The following PITPNM2 variants were observed in gnomAD, a reference collection of about 807,000 sequenced individuals.
PITPNM2 encodes the protein membrane-associated phosphatidylinositol transfer protein 2.
A neutral mutation model predicts 132.2 loss-of-function variants in PITPNM2; 35 were observed. The ratio of observed to expected loss-of-function variants is 0.26; its 90% CI spans 0.20 to 0.35. The LOEUF is 0.35. PITPNM2 is among the 10% of genes least tolerant of loss of function. PITPNM2 has a pLI of 1.00. For missense variants in PITPNM2, 1,332 were observed against 1,912.0 expected, an observed-to-expected ratio of 0.70 and a Z score of 5.66; for synonymous variants, 738 against 799.2, an observed-to-expected ratio of 0.92 and a Z score of 1.29.
intron 2 of PITPNM2, among the ~76,000 whole-genome samples, chr12:123,042,040 G>C (rs1352745991): frequency 1.3e-5 from 2 of 152,078 alleles, no homozygotes; most frequent in Non-Finnish European, 2.9e-5. Flanking sequence ...GAGACCAGCC[G>C]TGGGCAAGGC....
In PITPNM2 at chr12:122,994,775, C is replaced by A; in HGVS notation, c.2233+26G>T. The stretch of plus-strand genomic sequence containing the variant: ...CCCCCGCACCCAGTGCATGTACCCC[C>A]CATCCTGCCCCTGCTGGGCTCTCAC... On this transcript the variant is annotated intron_variant, in intron 15 of 25. Coordinates refer to ENST00000320201, the MANE Select transcript of PITPNM2 (RefSeq NM_020845.3). This position sits in a 1 kb window ranked among gnomAD's most constrained non-coding sequence, Gnocchi z 5.4. 1 of 1,598,836 alleles carries A rather than the reference C, an allele frequency of 6.3e-7. No individual in the cohort carries two copies. The highest frequency in any genetic ancestry group is 1.1e-5 in the South Asian group (1 of 89,316).
chr12:123,007,070 C>T (rs527748700), intron 6 of PITPNM2, among the ~76,000 whole-genome samples: 18 of 152,274 alleles, frequency 1.2e-4, no homozygotes, highest in East Asian at 1.2e-3. Context: ...CAGTTGGCCC[C>T]GAATTTTGCT....
Position 122,994,873 on chromosome 12 carries a change from C to A in PITPNM2, c.2161G>T (p.Asp721Tyr), listed in dbSNP as rs770772233. 5.5e-5 allele frequency: 89 copies of A among 1,612,162 alleles called. No individual in the cohort carries two copies. The highest frequency in any genetic ancestry group is 7.4e-5 in the Non-Finnish European group (87 of 1,179,954). Reference protein sequence around the residue: ...ALGRFDFEITDLFLFGCPLGL... With the variant: ...ALGRFDFEITYLFLFGCPLGL... ...AGCGGGCACCCGAAGAGGAAGAGGT[C>A]GGTGATCTCAAAGTCAAACCTGCCC... is the stretch of plus-strand genomic sequence containing the variant. The change falls in exon 15 of 26, where the codon GAC (aspartate) becomes TAC (tyrosine). Residue 721 changes from aspartate to tyrosine, a missense_variant. Around this residue, in one of 6 missense-constraint regions of PITPNM2, gnomAD observed 710 missense variants for 911.5 expected, o/e 0.78. Coordinates refer to ENST00000320201, the MANE Select transcript of PITPNM2 (RefSeq NM_020845.3). The surrounding 1 kb of genome is among the most constrained non-coding windows in gnomAD (Gnocchi z 5.4).
chr12:123,135,499 G>A (rs756655650), intron 1 of PITPNM2, among the ~76,000 whole-genome samples: 2 of 152,056 alleles, frequency 1.3e-5, no homozygotes, highest in Non-Finnish European at 2.9e-5. Flanking sequence ...CATTATGCCT[G>A]TAGATTACTA....
At chr12:123,135,386 C>A (rs1313789872) in intron 1 of PITPNM2, among the ~76,000 whole-genome samples, 4 of 5,118 alleles carry the variant, frequency 7.8e-4, no homozygotes, top group East Asian at 0.083. Flanking sequence ...AACATATGAC[C>A]CCCCCCCTTA....
chr12:123,033,593 G>A (rs1453400414), intron 3 of PITPNM2, among the ~76,000 whole-genome samples: 1 of 152,232 alleles, frequency 6.6e-6, no homozygotes, highest in East Asian at 1.9e-4. Context: ...AGTCAGGGTG[G>A]TGAGGAAAGC....
At chr12:123,144,281 G>T (rs1398932408) in intron 1 of PITPNM2, among the ~76,000 whole-genome samples, 4 of 152,188 alleles carry the variant, frequency 2.6e-5, no homozygotes, top group Non-Finnish European at 5.9e-5. Context: ...CAATCACAGT[G>T]CTGAGGTGCA....
chr12:123,001,439 G>A (rs1330766768), intron 8 of PITPNM2, among the ~76,000 whole-genome samples: 1 of 152,246 alleles, frequency 6.6e-6, no homozygotes, highest in South Asian at 2.1e-4. Flanking sequence ...CTAAATGGGA[G>A]CCTCATACCC....
intron 10 of PITPNM2, among the ~76,000 whole-genome samples, chr12:122,999,610 C>A (rs779985879): frequency 6.6e-6 from 1 of 151,930 alleles, no homozygotes; most frequent in Non-Finnish European, 1.5e-5. Flanking sequence ...TGGAGATGAT[C>A]CAGGGACCCC....
At chr12:123,062,446 G>A (rs1474548322) in intron 2 of PITPNM2, among the ~76,000 whole-genome samples, 1 of 152,170 alleles carries the variant, frequency 6.6e-6, no homozygotes, top group Non-Finnish European at 1.5e-5. Flanking sequence ...CCTGTGGACA[G>A]CATTGCCCAC....
intron 2 of PITPNM2, among the ~76,000 whole-genome samples, chr12:123,074,466 A>T (rs529975128): frequency 6.6e-6 from 1 of 152,102 alleles, no homozygotes; most frequent in South Asian, 2.1e-4. Context: ...CACACACCTC[A>T]CACACACAAC....
chr12:123,101,889 C>A (rs1263551242), intron 2 of PITPNM2, among the ~76,000 whole-genome samples: 1 of 152,184 alleles, frequency 6.6e-6, no homozygotes, highest in African/African-American at 2.4e-5. Context: ...GAGATCCCAT[C>A]TCTACATAAA....
intron 2 of PITPNM2, among the ~76,000 whole-genome samples, chr12:123,037,816 G>C (rs2040329910): frequency 6.6e-6 from 1 of 152,240 alleles, no homozygotes; most frequent in East Asian, 1.9e-4. Flanking sequence ...CTCGCAGCCT[G>C]AGCCAGCACC....
chr12:123,115,705 G>A (rs1228716761), intron 1 of PITPNM2, among the ~76,000 whole-genome samples: 2 of 152,138 alleles, frequency 1.3e-5, no homozygotes, highest in Non-Finnish European at 2.9e-5. Flanking sequence ...TAAGTACAGA[G>A]TGACTAATAC....
At chr12:123,024,203 G>A (rs1225039454) in intron 3 of PITPNM2, among the ~76,000 whole-genome samples, 1 of 152,182 alleles carries the variant, frequency 6.6e-6, no homozygotes, top group Non-Finnish European at 1.5e-5. Flanking sequence ...TGTCATTAGG[G>A]AAATGCAAAT....
At chr12:123,098,803 CG>C (rs539221058) in intron 2 of PITPNM2, among the ~76,000 whole-genome samples, 114 of 152,188 alleles carry the variant, frequency 7.5e-4, no homozygotes, top group African/African-American at 2.7e-3. Flanking sequence ...GCTCAGGGGC[CG>C]GCTTCCTTCC....
chr12:123,129,909 GTTTT>G, intron 1 of PITPNM2, among the ~76,000 whole-genome samples: 1 of 143,034 alleles, frequency 7.0e-6, no homozygotes, highest in East Asian at 2.0e-4. Context: ...TTTGTTTTGC[GTTTT>G]TTTTTTTTTG....
At chr12:123,093,493 C>A (rs535205510) in intron 2 of PITPNM2, among the ~76,000 whole-genome samples, 1 of 140,906 alleles carries the variant, frequency 7.1e-6, no homozygotes, top group South Asian at 2.1e-4. Flanking sequence ...CGCGCACACA[C>A]ACACACACCT....
Position 122,984,023 on chromosome 12 carries a change from G to A in PITPNM2, c.*2004C>T, listed in dbSNP as rs887041784. The A allele has an allele frequency of 1.3e-5, 2 of 152,776 alleles. No individual in the cohort carries two copies. Among genetic ancestry groups the A allele is most frequent in the Non-Finnish European group, 2.9e-5 (2 of 68,088 alleles). The allele number at this position is 152,776 out of a possible 1,614,324, so 9.5% of individuals were successfully genotyped here. A position where few individuals can be genotyped will look rare whatever the true frequency, so the allele number is the denominator to read the frequency against. On this transcript the variant is annotated 3_prime_UTR_variant, in exon 26 of 26. Coordinates refer to ENST00000320201, the MANE Select transcript of PITPNM2 (RefSeq NM_020845.3). ...GTGGAAAGCAGACCTGGATACAGAAGAGACTTCCCATGGGGGGGCAGGCTG... is the reference window on the plus strand; with the variant it reads ...GTGGAAAGCAGACCTGGATACAGAAAAGACTTCCCATGGGGGGGCAGGCTG...
Sources: gnomAD v4.1 joint callset for allele counts (sites outside exome capture counted in the v4.1 genomes callset) on GRCh38, gnomAD v4.1.1 for gene constraint, gnomAD v4.1.1 regional missense constraint, Gnocchi (gnomAD v3.1) non-coding constraint, MANE v1.5 for transcripts, NCBI Gene and HGNC (gene_info 2026-07-23, HGNC 2026-07-21) for gene names.